Variants in CBFA2T3 observed in about 807,000 individuals in gnomAD.
CBFA2T3 encodes transcriptional corepressor CBFA2T3.
In CBFA2T3, 31 loss-of-function variants were observed where a neutral mutation model predicts 58.6. The ratio of observed to expected loss-of-function variants is 0.53; its 90% CI spans 0.40 to 0.71. The LOEUF (loss-of-function observed/expected upper bound fraction) is 0.71. Ranked by LOEUF, CBFA2T3 falls within the 30% of genes least tolerant of loss-of-function variation. The pLI is 0.00. For synonymous variants in CBFA2T3, 531 were observed against 421.9 expected (o/e 1.26, Z -3.17); for missense variants, 1,076 against 963.1 (o/e 1.12, Z -1.55).
intron 1 of CBFA2T3, among the ~76,000 whole-genome samples, chr16:88,970,792 G>A (rs1859242112): frequency 6.6e-6 from 1 of 152,272 alleles, no homozygotes; most frequent in African/African-American, 2.4e-5. Context: ...GTCTGCTGAG[G>A]GCCCTGCTGC....
intron 1 of CBFA2T3, chr16:88,902,400 G>C (rs1259263008): frequency 6.6e-6 from 1 of 152,286 alleles, no homozygotes; most frequent in Non-Finnish European, 1.5e-5. Context: ...CGTGATTAAT[G>C]AGAACCTGCA....
intron 5 of CBFA2T3, chr16:88,886,353 A>G (rs1969375887): frequency 2.4e-6 from 1 of 423,158 alleles, no homozygotes; most frequent in South Asian, 6.6e-5. Flanking sequence ...GCTTCGCAGG[A>G]GTGCCTCACC....
Position 88,876,681 on chromosome 16 carries a change from G to A in CBFA2T3, c.*295C>T. 1 of 382,596 alleles carries A rather than the reference G, an allele frequency of 2.6e-6. No individual in the cohort carries two copies. Among genetic ancestry groups the A allele is most frequent in the Non-Finnish European group, 4.6e-6 (1 of 215,528 alleles). The allele number at this position is 382,596 out of a possible 1,614,324, so 23.7% of individuals were successfully genotyped here. A position where few individuals can be genotyped will look rare whatever the true frequency, so the allele number is the denominator to read the frequency against. On this transcript the variant is annotated 3_prime_UTR_variant, in exon 12 of 12. Coordinates refer to ENST00000268679, the MANE Select transcript of CBFA2T3 (RefSeq NM_005187.6). ...CCGCCGCGCCTGCGGCATCTGCTCT[G>A]CTGTCTAAAGCTCAGTCGAGGCTTC... is the stretch of plus-strand genomic sequence containing the variant.
intron 1 of CBFA2T3, among the ~76,000 whole-genome samples, chr16:88,912,417 G>A (rs748672531): frequency 3.3e-5 from 5 of 152,184 alleles, no homozygotes; most frequent in Non-Finnish European, 5.9e-5. Flanking sequence ...TGTCCCTCCC[G>A]TTGGCCTCAG....
At chr16:88,913,711 G>A (rs1347094818) in intron 1 of CBFA2T3, among the ~76,000 whole-genome samples, 3 of 152,214 alleles carry the variant, frequency 2.0e-5, no homozygotes, top group Non-Finnish European at 2.9e-5. Flanking sequence ...TGCACAAACA[G>A]TGATCTACAA....
intron 1 of CBFA2T3, among the ~76,000 whole-genome samples, chr16:88,925,304 A>G (rs531778): frequency 0.89 from 135,771 of 152,234 alleles, 60,901 homozygotes; most frequent in African/African-American, 0.97. Flanking sequence ...GGAGACCCAC[A>G]AGGGGCCTGC....
intron 2 of CBFA2T3, among the ~76,000 whole-genome samples, chr16:88,899,795 C>A (rs534897420): frequency 1.3e-5 from 2 of 152,204 alleles, no homozygotes; most frequent in Admixed American, 1.3e-4. Flanking sequence ...TTAGGCACTG[C>A]GCCCATGGCC....
At chr16:88,975,057 C>T (rs1434051421) in intron 1 of CBFA2T3, among the ~76,000 whole-genome samples, 2 of 135,612 alleles carry the variant, frequency 1.5e-5, no homozygotes, top group African/African-American at 5.6e-5. Context: ...CATTGCAGCC[C>T]CTAAGCAGGG....
intron 1 of CBFA2T3, among the ~76,000 whole-genome samples, chr16:88,952,921 ACGG>A (rs1972116196): frequency 3.8e-5 from 2 of 52,826 alleles, no homozygotes; most frequent in Non-Finnish European, 7.6e-5. Flanking sequence ...CTGTGTCGAG[ACGG>A]CATGTCCAGG....
chr16:88,973,941 C>T (rs1372351554), intron 1 of CBFA2T3, among the ~76,000 whole-genome samples: 6 of 152,282 alleles, frequency 3.9e-5, no homozygotes, highest in South Asian at 2.1e-4. Context: ...AACACCCGCC[C>T]GCCTTTGCCT....
chr16:88,916,574 G>A (rs1323933456), intron 1 of CBFA2T3, among the ~76,000 whole-genome samples: 2 of 143,098 alleles, frequency 1.4e-5, no homozygotes, highest in Non-Finnish European at 3.1e-5. Context: ...TCCGGCCTGA[G>A]TGAAAGGTGG....
At chr16:88,908,543 C>T (rs1194225245) in intron 1 of CBFA2T3, among the ~76,000 whole-genome samples, 1 of 152,108 alleles carries the variant, frequency 6.6e-6, no homozygotes, top group South Asian at 2.1e-4. Context: ...GGCCGCTCAT[C>T]CATCACTTCC....
intron 3 of CBFA2T3, among the ~76,000 whole-genome samples, chr16:88,895,780 C>A (rs7195623): frequency 0.23 from 34,218 of 152,072 alleles, 4,302 homozygotes; most frequent in East Asian, 0.44. Flanking sequence ...GTGAGGAAGT[C>A]CAGACAGACA....
chr16:88,889,100 C>T (rs1324259594), intron 5 of CBFA2T3, among the ~76,000 whole-genome samples: 7 of 151,464 alleles, frequency 4.6e-5, no homozygotes, highest in Middle Eastern at 3.4e-3. Flanking sequence ...AATAAGCAGG[C>T]GCACTGTGTC....
intron 3 of CBFA2T3, among the ~76,000 whole-genome samples, chr16:88,893,380 C>T (rs1469321538): frequency 6.6e-6 from 1 of 152,108 alleles, no homozygotes; most frequent in Non-Finnish European, 1.5e-5. Context: ...GTCCCTCCTA[C>T]AAGTGTCTCC....
At chr16:88,915,933 TGTGA>T (rs1970703991) in intron 1 of CBFA2T3, among the ~76,000 whole-genome samples, 1 of 152,032 alleles carries the variant, frequency 6.6e-6, no homozygotes, top group South Asian at 2.1e-4. Context: ...CATGTGTGCG[TGTGA>T]GTGTGCATGC....
At chr16:88,910,385 C>T (rs1304881475) in intron 1 of CBFA2T3, among the ~76,000 whole-genome samples, 4 of 152,220 alleles carry the variant, frequency 2.6e-5, no homozygotes, top group African/African-American at 4.8e-5. Flanking sequence ...GGATGCTCCC[C>T]GTGAGCTCCA....
chr16:88,878,679 C>T (rs1408119810), intron 11 of CBFA2T3, among the ~76,000 whole-genome samples: 2 of 152,266 alleles, frequency 1.3e-5, no homozygotes, highest in Admixed American at 1.3e-4. Context: ...GGCACAGCGG[C>T]TCGCTTCTGT....
At chr16:88,952,430 C>T (rs1029220420) in intron 1 of CBFA2T3, among the ~76,000 whole-genome samples, 3 of 152,132 alleles carry the variant, frequency 2.0e-5, no homozygotes, top group African/African-American at 7.2e-5. Context: ...AAATGGCTTT[C>T]AGCAGGACAA....
Sources: allele counts gnomAD v4.1 joint callset (sites outside exome capture counted in the v4.1 genomes callset), GRCh38; gene constraint gnomAD v4.1.1; transcripts MANE v1.5; gene names NCBI Gene and HGNC (gene_info 2026-07-23, HGNC 2026-07-21).